ADGRL2: variants seen among roughly 807,000 people sequenced by gnomAD.
ADGRL2 encodes calcium-independent alpha-latrotoxin receptor 2.
In ADGRL2, 44 loss-of-function variants were observed where a neutral mutation model predicts 157.4. The ratio of observed to expected loss-of-function variants is 0.28; its 90% CI spans 0.22 to 0.36. The LOEUF (loss-of-function observed/expected upper bound fraction) is 0.36. ADGRL2 is among the 10% of genes least tolerant of loss of function. The probability of loss-of-function intolerance (pLI) is 1.00; values close to 1 mark genes in which losing one functional copy is unlikely to be tolerated. For synonymous variants in ADGRL2, 585 were observed against 624.7 expected (o/e 0.94, Z 0.95); for missense variants, 1,510 against 1,768.9 (o/e 0.85, Z 2.63).
At chr1:81,803,998 G>C (rs2088729831) in intron 1 of ADGRL2, among the ~76,000 whole-genome samples, 1 of 152,112 alleles carries the variant, frequency 6.6e-6, no homozygotes, top group African/African-American at 2.4e-5. Flanking sequence ...GTTTGATCTT[G>C]GGCAAACCTT....
At chr1:81,565,229 A>T (rs1419578450) in intron 2 of ADGRL2, among the ~76,000 whole-genome samples, 1 of 152,170 alleles carries the variant, frequency 6.6e-6, no homozygotes, top group African/African-American at 2.4e-5. Flanking sequence ...ATGAAGTTTA[A>T]ATAAGATGAC....
intron 1 of ADGRL2, among the ~76,000 whole-genome samples, chr1:81,394,520 T>C (rs1373649394): frequency 6.6e-6 from 1 of 152,212 alleles, no homozygotes; most frequent in Non-Finnish European, 1.5e-5. Flanking sequence ...AGCTTATATA[T>C]GTTGCCACAA....
At chr1:81,646,371 A>G (rs2082315328) in intron 3 of ADGRL2, among the ~76,000 whole-genome samples, 2 of 152,226 alleles carry the variant, frequency 1.3e-5, no homozygotes, top group Admixed American at 6.5e-5. Flanking sequence ...ACTATTGAGT[A>G]AAGGCCCTGG....
At chr1:81,501,744 C>G in intron 2 of ADGRL2, 2 of 1,610,656 alleles carry the variant, frequency 1.2e-6, no homozygotes, top group African/African-American at 2.7e-5. Flanking sequence ...AGTCATGCCA[C>G]TCTGTGGGTG....
At chr1:81,905,811 C>G (rs747004336) in intron 2 of ADGRL2, among the ~76,000 whole-genome samples, 3 of 152,074 alleles carry the variant, frequency 2.0e-5, no homozygotes, top group East Asian at 1.9e-4. Flanking sequence ...TTTCACATAG[C>G]TTTTGCCACA....
intron 1 of ADGRL2, among the ~76,000 whole-genome samples, chr1:81,746,192 T>C (rs1239315113): frequency 2.6e-5 from 4 of 152,198 alleles, no homozygotes; most frequent in Admixed American, 2.6e-4. Flanking sequence ...GTGTGTATTA[T>C]ATACTAAATT....
chr1:81,915,012 T>A (rs189371136), intron 3 of ADGRL2, among the ~76,000 whole-genome samples: 1 of 152,180 alleles, frequency 6.6e-6, no homozygotes, highest in African/African-American at 2.4e-5. Context: ...AGATAAATTA[T>A]CTAAATATCT....
In ADGRL2 at chr1:81,357,146, C is replaced by T. The variant is rs371866880; in HGVS notation, c.-302+50637C>T. ...AGACACATCATCCTGGGTCGCTCCT[C>T]CTCTTCCTCCTGCTTCTTTGAAGGA... On this transcript the variant is annotated intron_variant, in intron 1 of 24. Transcript: ENST00000370721. 8.5e-5 allele frequency among the ~76,000 whole-genome samples: 13 copies of T among 152,150 alleles called. 1 individual carries two copies. The highest frequency in any genetic ancestry group is 3.1e-4 in the African/African-American group (13 of 41,508).
At position 81,335,830 on chromosome 1, in the gene ADGRL2, T is replaced by G. The variant is rs552525347; in HGVS notation, c.-302+29321T>G. On this transcript the variant is annotated intron_variant, in intron 1 of 24. Transcript: ENST00000370721. Reference sequence around the variant, plus strand: ...TGTACCACGCAGTAGGGCTATATAGTGTTTAAAAAAAAAAAAAACAAAAAA... The same window carrying G: ...TGTACCACGCAGTAGGGCTATATAGGGTTTAAAAAAAAAAAAAACAAAAAA... Among the ~76,000 whole-genome samples, 40 of 128,542 alleles carry G rather than the reference T, an allele frequency of 3.1e-4. No homozygotes were observed. In the South Asian group the frequency reaches 8.9e-3, roughly 29 times the overall value. 84.3% of individuals were successfully genotyped at this position (128,542 alleles called of 152,430 possible). A position where few individuals can be genotyped will look rare whatever the true frequency, so the allele number is the denominator to read the frequency against.
chr1:81,705,986 G>A (rs1196780198), intron 1 of ADGRL2, among the ~76,000 whole-genome samples: 3 of 152,080 alleles, frequency 2.0e-5, no homozygotes, highest in East Asian at 2.0e-4. Flanking sequence ...CAAGGCGGGC[G>A]GATCACGAGG....
chr1:81,620,381 T>A (rs1305997234), intron 3 of ADGRL2, among the ~76,000 whole-genome samples: 1 of 152,240 alleles, frequency 6.6e-6, no homozygotes, highest in African/African-American at 2.4e-5. Flanking sequence ...ATGGATTCTA[T>A]TATTTAGGTT....
chr1:81,338,828 T>C (rs946877971), intron 1 of ADGRL2, among the ~76,000 whole-genome samples: 3 of 152,112 alleles, frequency 2.0e-5, no homozygotes, highest in Non-Finnish European at 4.4e-5. Context: ...ATGTCCAACC[T>C]CCTAACAAGT....
chr1:81,682,101 A>ATGTGTG (rs1440744581), intron 3 of ADGRL2, among the ~76,000 whole-genome samples: 3 of 88,342 alleles, frequency 3.4e-5, no homozygotes, highest in African/African-American at 1.4e-4. Flanking sequence ...ATATACATAT[A>ATGTGTG]TATGTGTGTG....
chr1:81,987,429 A>G, intron 22 of ADGRL2: 1 of 839,480 alleles, frequency 1.2e-6, no homozygotes, highest in South Asian at 1.3e-5. Context: ...AATGAAGATA[A>G]TTTGGATGCC....
At chr1:81,502,375 G>A (rs1570301523) in intron 2 of ADGRL2, 2 of 1,614,148 alleles carry the variant, frequency 1.2e-6, no homozygotes, top group African/African-American at 2.7e-5. Flanking sequence ...ATGGAGGCCG[G>A]GGAAGAGAGA....
chr1:81,371,835 T>G (rs1352077283), intron 1 of ADGRL2, among the ~76,000 whole-genome samples: 1 of 152,192 alleles, frequency 6.6e-6, no homozygotes, highest in Non-Finnish European at 1.5e-5. Flanking sequence ...ACAAATCATG[T>G]CGAGTATTAT....
intron 2 of ADGRL2, among the ~76,000 whole-genome samples, chr1:81,526,589 T>C (rs2079462059): frequency 6.6e-6 from 1 of 152,216 alleles, no homozygotes; most frequent in African/African-American, 2.4e-5. Context: ...TTAACATCAT[T>C]CTGTGTTAAA....
At chr1:81,635,492 G>C (rs1320085429) in intron 3 of ADGRL2, among the ~76,000 whole-genome samples, 1 of 152,152 alleles carries the variant, frequency 6.6e-6, no homozygotes, top group Admixed American at 6.6e-5. Context: ...TTATAAACAA[G>C]AGAAATTTGT....
At chr1:81,714,228 A>ATG (rs2084033134) in intron 1 of ADGRL2, among the ~76,000 whole-genome samples, 1 of 152,200 alleles carries the variant, frequency 6.6e-6, no homozygotes, top group Non-Finnish European at 1.5e-5. Context: ...ATACCTATAT[A>ATG]AGTTATCATT....
Sources: gnomAD v4.1 joint callset for allele counts (sites outside exome capture counted in the v4.1 genomes callset) on GRCh38, gnomAD v4.1.1 for gene constraint, MANE v1.5 for transcripts, NCBI Gene and HGNC (gene_info 2026-07-23, HGNC 2026-07-21) for gene names.